THSD7B: variants seen among roughly 807,000 people sequenced by gnomAD.
THSD7B encodes thrombospondin type 1 domain containing 7B, also known as thrombospondin type-1 domain-containing protein 7B.
In THSD7B, 138 loss-of-function variants were observed where a neutral mutation model predicts 213.6. The observed-to-expected ratio is 0.65, with a 90% CI of 0.56 to 0.74. The LOEUF is 0.74. THSD7B is among the 30% of genes least tolerant of loss of function. The probability of loss-of-function intolerance (pLI) is 0.00; values close to 1 mark genes in which losing one functional copy is unlikely to be tolerated. For synonymous variants in THSD7B, 742 were observed against 687.0 expected (o/e 1.08, Z -1.25); for missense variants, 1,931 against 1,991.5 (o/e 0.97, Z 0.58).
chr2:137,396,325 A>C (rs1686187054), intron 12 of THSD7B, among the ~76,000 whole-genome samples: 1 of 136,468 alleles, frequency 7.3e-6, no homozygotes, highest in Admixed American at 7.6e-5. Flanking sequence ...CCCTCTACAC[A>C]CTGCTTTGAA....
chr2:137,380,515 G>A (rs1053630294), intron 12 of THSD7B, among the ~76,000 whole-genome samples: 1 of 152,170 alleles, frequency 6.6e-6, no homozygotes, highest in Non-Finnish European at 1.5e-5. Context: ...TTGGATGAAT[G>A]GAAGTGACTT....
At chr2:137,195,264 A>G (rs1330400852) in intron 7 of THSD7B, among the ~76,000 whole-genome samples, 1 of 151,834 alleles carries the variant, frequency 6.6e-6, no homozygotes, top group Non-Finnish European at 1.5e-5. Flanking sequence ...ACACACACAC[A>G]CGTGTTTCTA....
At chr2:136,964,768 C>T (rs142650288) in intron 2 of THSD7B, among the ~76,000 whole-genome samples, 19,051 of 151,842 alleles carry the variant, frequency 0.13, 1,713 homozygotes, top group East Asian at 0.42. Flanking sequence ...TTTGGGAGGC[C>T]GAGGCAGGTG....
chr2:137,331,979 C>T (rs571200879), intron 12 of THSD7B, among the ~76,000 whole-genome samples: 31 of 152,270 alleles, frequency 2.0e-4, no homozygotes, highest in African/African-American at 6.0e-4. Context: ...GGTTCCCACT[C>T]GCGCCTCTCC....
intron 7 of THSD7B, among the ~76,000 whole-genome samples, chr2:137,203,876 C>T (rs1680928452): frequency 6.6e-6 from 1 of 152,096 alleles, no homozygotes; most frequent in African/African-American, 2.4e-5. Flanking sequence ...ACTTTGCTCT[C>T]AGAGAACTTG....
intron 15 of THSD7B, among the ~76,000 whole-genome samples, chr2:137,546,435 T>TATAA (rs1558834393): frequency 3.1e-5 from 1 of 32,734 alleles, no homozygotes; most frequent in African/African-American, 2.0e-4. Context: ...TATATATATA[T>TATAA]TATATATATT....
At chr2:136,982,031 C>T (rs1021616332) in intron 2 of THSD7B, among the ~76,000 whole-genome samples, 9 of 152,200 alleles carry the variant, frequency 5.9e-5, no homozygotes, top group African/African-American at 7.2e-5. Context: ...AAGGAACTTA[C>T]AACCTAGTTA....
At chr2:137,543,543 T>C (rs187325433) in intron 15 of THSD7B, among the ~76,000 whole-genome samples, 1 of 151,958 alleles carries the variant, frequency 6.6e-6, no homozygotes, top group East Asian at 1.9e-4. Context: ...AAAACATTGA[T>C]ATACATCTTT....
chr2:137,650,482 T>C (rs1260054998), intron 21 of THSD7B, among the ~76,000 whole-genome samples: 1 of 152,238 alleles, frequency 6.6e-6, no homozygotes, highest in East Asian at 1.9e-4. Flanking sequence ...AGTTTTTTGG[T>C]AGAGCCTTTA....
In THSD7B at chr2:137,207,501, T is replaced by A. The variant is rs1289896377; in HGVS notation, c.1724-23543T>A. 2.6e-5 allele frequency among the ~76,000 whole-genome samples: 4 copies of A among 152,082 alleles called. No homozygotes were observed. The East Asian group carries it at 7.8e-4, about 29-fold the overall frequency. ...TAGATGTTTTTTGCTGTTAATCTTT[T>A]AACCACCAGAGTGTAATGCAAATTG... On this transcript the variant is annotated intron_variant, in intron 7 of 27. Coordinates refer to ENST00000409968, the MANE Select transcript of THSD7B (RefSeq NM_001316349.2).
intron 2 of THSD7B, among the ~76,000 whole-genome samples, chr2:137,011,832 T>A (rs1238063643): frequency 6.6e-6 from 1 of 152,224 alleles, no homozygotes; most frequent in Non-Finnish European, 1.5e-5. Context: ...ATTGCATTTC[T>A]TTTGTTTGAT....
At chr2:137,350,235 A>C (rs1037507359) in intron 12 of THSD7B, among the ~76,000 whole-genome samples, 1 of 151,994 alleles carries the variant, frequency 6.6e-6, no homozygotes, top group East Asian at 1.9e-4. Flanking sequence ...GAGTACAATA[A>C]ATAAGTCTAA....
At position 137,562,252 on chromosome 2, in the gene THSD7B, A is replaced by G. The variant is rs79692854; in HGVS notation, c.3139-969A>G. On this transcript the variant is annotated intron_variant, in intron 15 of 27. Transcript: ENST00000409968. Reference sequence around the variant, plus strand: ...TTATTATTTAAAAGGAAAAGCATGAATTAACTACATTGGTGATAGGTGGAA... The same window carrying G: ...TTATTATTTAAAAGGAAAAGCATGAGTTAACTACATTGGTGATAGGTGGAA... Among the ~76,000 whole-genome samples the G allele has an allele frequency of 3.9e-3, 599 of 152,312 alleles. 5 individuals are homozygous for G. Among genetic ancestry groups the G allele is most frequent in the African/African-American group, 0.014 (574 of 41,590 alleles).
At chr2:136,954,551 C>T (rs1012767567) in intron 2 of THSD7B, among the ~76,000 whole-genome samples, 5 of 151,848 alleles carry the variant, frequency 3.3e-5, no homozygotes, top group African/African-American at 7.3e-5. Context: ...CCCGTCTCTA[C>T]TAAAAATACA....
intron 15 of THSD7B, among the ~76,000 whole-genome samples, chr2:137,505,774 A>G (rs1679820055): frequency 1.3e-5 from 2 of 152,246 alleles, no homozygotes; most frequent in African/African-American, 4.8e-5. Context: ...CACTCCATGT[A>G]GTGGGGCCCA....
At chr2:136,876,029 T>C (rs1321782460) in intron 1 of THSD7B, among the ~76,000 whole-genome samples, 1 of 152,196 alleles carries the variant, frequency 6.6e-6, no homozygotes, top group African/African-American at 2.4e-5. Flanking sequence ...GGTAGTGATC[T>C]GAATATATTT....
At chr2:137,272,435 T>C (rs954296024) in intron 10 of THSD7B, 98 bp from the exon 11 acceptor site, 4 of 1,275,256 alleles carry the variant, frequency 3.1e-6, no homozygotes, top group Non-Finnish European at 4.2e-6. Flanking sequence ...CACATGTGCT[T>C]ACTTTATCTC....
At chr2:137,041,460 A>G (rs1463028363) in intron 2 of THSD7B, among the ~76,000 whole-genome samples, 1 of 151,862 alleles carries the variant, frequency 6.6e-6, no homozygotes, top group African/African-American at 2.4e-5. Context: ...ATATGAATGT[A>G]TGTGCCCACA....
intron 12 of THSD7B, among the ~76,000 whole-genome samples, chr2:137,399,801 T>C (rs1036243434): frequency 6.6e-6 from 1 of 152,166 alleles, no homozygotes; most frequent in Non-Finnish European, 1.5e-5. Flanking sequence ...TAAACTTCTT[T>C]ATTTTTCTTC....
Sources: allele counts gnomAD v4.1 joint callset (sites outside exome capture counted in the v4.1 genomes callset), GRCh38; gene constraint gnomAD v4.1.1; transcripts MANE v1.5; gene names NCBI Gene and HGNC (gene_info 2026-07-23, HGNC 2026-07-21).